The following CALN1 variants were observed in gnomAD, a reference collection of about 807,000 sequenced individuals.
CALN1 encodes calneuron 1.
In CALN1, 17 loss-of-function variants were observed where a neutral mutation model predicts 30.6. The observed-to-expected ratio is 0.56, with a 90% CI of 0.38 to 0.83. The LOEUF (loss-of-function observed/expected upper bound fraction) is 0.83. CALN1 is among the 40% of genes least tolerant of loss of function. CALN1 has a pLI of 0.00. For missense variants in CALN1, 291 were observed against 354.9 expected, an observed-to-expected ratio of 0.82 and a Z score of 1.45; for synonymous variants, 156 against 131.4, an observed-to-expected ratio of 1.19 and a Z score of -1.28.
chr7:72,051,742 T>C (rs1802849733), intron 4 of CALN1, among the ~76,000 whole-genome samples: 1 of 152,168 alleles, frequency 6.6e-6, no homozygotes, highest in African/African-American at 2.4e-5. Context: ...TTGAGTACAA[T>C]TTAATACTAG....
At chr7:71,885,427 C>T (rs1792842848) in intron 5 of CALN1, among the ~76,000 whole-genome samples, 1 of 152,226 alleles carries the variant, frequency 6.6e-6, no homozygotes, top group African/African-American at 2.4e-5. Flanking sequence ...GCTGGGATTA[C>T]AGGCGTGAGC....
chr7:72,471,587 T>C, the CALN1 span, among the ~76,000 whole-genome samples: 1 of 152,226 alleles, frequency 6.6e-6, no homozygotes, highest in African/African-American at 2.4e-5. Flanking sequence ...CAAACTGAAA[T>C]GTATGCAGGT....
At chr7:72,206,065 A>G (rs1791857545) in intron 3 of CALN1, among the ~76,000 whole-genome samples, 1 of 152,192 alleles carries the variant, frequency 6.6e-6, no homozygotes. Context: ...TTTTAAAGTG[A>G]ATCCTCAATA....
At chr7:72,108,535 T>C (rs750957171) in intron 3 of CALN1, among the ~76,000 whole-genome samples, 3 of 152,248 alleles carry the variant, frequency 2.0e-5, no homozygotes, top group Non-Finnish European at 4.4e-5. Flanking sequence ...ATCTGCCATG[T>C]TGACTTCTGA....
chr7:72,045,727 T>C (rs844777), intron 4 of CALN1, among the ~76,000 whole-genome samples: 97,198 of 151,860 alleles, frequency 0.64, 31,476 homozygotes, highest in East Asian at 0.76. Context: ...AGACCAGGTG[T>C]GGTGGCTCAC....
intron 2 of CALN1, among the ~76,000 whole-genome samples, chr7:72,314,681 C>T (rs1019090703): frequency 6.6e-6 from 1 of 151,818 alleles, no homozygotes; most frequent in South Asian, 2.1e-4. Context: ...GCCCAAAGTG[C>T]TGGGATTACA....
chr7:72,394,198 A>G (rs1469356191), intron 2 of CALN1, among the ~76,000 whole-genome samples: 1 of 152,178 alleles, frequency 6.6e-6, no homozygotes, highest in African/African-American at 2.4e-5. Context: ...CCTCAGGGAC[A>G]TGACTCAAGC....
intron 2 of CALN1, among the ~76,000 whole-genome samples, chr7:72,329,408 C>T (rs559484745): frequency 6.6e-6 from 1 of 152,306 alleles, no homozygotes; most frequent in East Asian, 1.9e-4. Context: ...TTTAAAACCC[C>T]TCAGTGGCTT....
intron 5 of CALN1, among the ~76,000 whole-genome samples, chr7:71,899,100 T>TTC (rs139995011): frequency 1.6e-3 from 239 of 150,100 alleles, no homozygotes; most frequent in Admixed American, 2.5e-3. Flanking sequence ...AATACACAAC[T>TTC]TCTCTCTCTC....
intron 2 of CALN1, among the ~76,000 whole-genome samples, chr7:72,328,899 G>T (rs931888454): frequency 2.0e-5 from 3 of 152,230 alleles, no homozygotes; most frequent in Non-Finnish European, 4.4e-5. Context: ...GTTTCGCCAG[G>T]TTGGCCAGGC....
chr7:72,466,138 C>G, the CALN1 span, among the ~76,000 whole-genome samples: 599 of 152,266 alleles, frequency 3.9e-3, 5 homozygotes, highest in Middle Eastern at 0.024. Context: ...GGTCACAGTG[C>G]CCACTCCACC....
intron 2 of CALN1, among the ~76,000 whole-genome samples, chr7:72,388,520 C>G (rs1337017292): frequency 6.6e-6 from 1 of 152,110 alleles, no homozygotes; most frequent in African/African-American, 2.4e-5. Flanking sequence ...AGCACATGTA[C>G]CATACTTAAG....
chr7:72,408,661 A>G (rs1377429045), intron 1 of CALN1, among the ~76,000 whole-genome samples: 2 of 125,504 alleles, frequency 1.6e-5, no homozygotes, highest in African/African-American at 3.0e-5. Flanking sequence ...ATGACCACCA[A>G]TTATTATCTT....
chr7:71,961,428 T>C (rs1295232230), intron 5 of CALN1, among the ~76,000 whole-genome samples: 1 of 152,226 alleles, frequency 6.6e-6, no homozygotes, highest in Non-Finnish European at 1.5e-5. Context: ...ATGAAAATGT[T>C]ACCTGTATTT....
chr7:72,121,089 A>C (rs1018916644), intron 3 of CALN1, among the ~76,000 whole-genome samples: 1 of 147,152 alleles, frequency 6.8e-6, no homozygotes, highest in Non-Finnish European at 1.5e-5. Context: ...TAACTTATAT[A>C]TGAATTATAT....
intron 5 of CALN1, among the ~76,000 whole-genome samples, chr7:71,884,244 C>A (rs12530530): frequency 0.12 from 17,745 of 152,018 alleles, 1,503 homozygotes; most frequent in East Asian, 0.43. Context: ...CTCTCAGCTT[C>A]CTGGGACTTT....
chr7:72,016,430 TTTATTA>T (rs1011074242), intron 5 of CALN1, among the ~76,000 whole-genome samples: 35 of 151,516 alleles, frequency 2.3e-4, no homozygotes, highest in Non-Finnish European at 4.0e-4. Context: ...TTTTATTTAT[TTTATTA>T]TTATTATTAT....
At chr7:71,904,404 T>C (rs992039104) in intron 5 of CALN1, among the ~76,000 whole-genome samples, 3 of 152,188 alleles carry the variant, frequency 2.0e-5, no homozygotes, top group South Asian at 2.1e-4. Context: ...ACAACATGGA[T>C]GGAACTAGAG....
At chr7:72,395,295 A>C (rs1805848430) in intron 2 of CALN1, among the ~76,000 whole-genome samples, 1 of 152,032 alleles carries the variant, frequency 6.6e-6, no homozygotes, top group Non-Finnish European at 1.5e-5. Context: ...AGAGAAAATA[A>C]ACACTTAATA....
Sources: allele counts gnomAD v4.1 joint callset (sites outside exome capture counted in the v4.1 genomes callset), GRCh38; gene constraint gnomAD v4.1.1; transcripts MANE v1.5; gene names NCBI Gene and HGNC (gene_info 2026-07-23, HGNC 2026-07-21).